REEP4: variants seen among roughly 807,000 people sequenced by gnomAD.
REEP4 encodes receptor accessory protein 4, also known as receptor expression-enhancing protein 4.
In REEP4, 17 loss-of-function variants were observed where a neutral mutation model predicts 33.5. The ratio of observed to expected loss-of-function variants is 0.51; its 90% CI spans 0.35 to 0.76. The LOEUF (loss-of-function observed/expected upper bound fraction) is 0.76. REEP4 is among the 30% of genes least tolerant of loss of function. The pLI, the probability that REEP4 is intolerant of heterozygous loss-of-function variation, is 0.01. For synonymous variants in REEP4, 157 were observed against 142.9 expected, an observed-to-expected ratio of 1.10 and a Z score of -0.70; for missense variants, 340 against 357.9, an observed-to-expected ratio of 0.95 and a Z score of 0.40.
chr8:22,140,298 C>T (rs372084444), intron 2 of REEP4, 50 bp from the exon 3 acceptor site: 351 of 1,574,396 alleles, frequency 2.2e-4, no homozygotes, highest in Non-Finnish European at 3.0e-4. Flanking sequence ...GCACCAACTC[C>T]CAACCCAGGC....
In REEP4 at chr8:22,138,574, C is replaced by T. The variant is rs775941681; in HGVS notation, c.709-22G>A. 1.9e-6 allele frequency: 3 copies of T among 1,613,948 alleles called. No individual in the cohort carries two copies. The South Asian group carries it at 3.3e-5, about 18-fold the overall frequency. On this transcript the variant is annotated intron_variant, in intron 7 of 7. Transcript: ENST00000306306. ...TGCCCTGGGGAAAGGGGAGGCACAG[C>T]ATGAGGGTGTGGGGAGCACCAGCCA...
At chr8:22,139,128 G>A in intron 5 of REEP4, 67 bp from the exon 6 acceptor site, 1 of 1,540,222 alleles carries the variant, frequency 6.5e-7, no homozygotes, top group Non-Finnish European at 8.8e-7. Flanking sequence ...CTAATCACCG[G>A]AGCTGAGACG....
Position 22,141,647 on chromosome 8 carries a change from C to G in REEP4, c.-165G>C, listed in dbSNP as rs1259142682. ...CCGCCGCCCACGGCCTCCGACTGTG[C>G]AGTTCAGGGGACCTGGAGAATGGGG... On this transcript the variant is annotated 5_prime_UTR_variant, in exon 1 of 8. Transcript: ENST00000306306. 6.2e-6 allele frequency: 4 copies of G among 640,936 alleles called. No individual in the cohort carries two copies. The African/African-American group carries it at 7.7e-5, about 12-fold the overall frequency. The allele number at this position is 640,936 out of a possible 1,614,324, so 39.7% of individuals were successfully genotyped here.
At chr8:22,139,350 C>A (rs772783346) in intron 5 of REEP4, 66 bp downstream of exon 5, 6 of 1,358,434 alleles carry the variant, frequency 4.4e-6, no homozygotes, top group Middle Eastern at 1.8e-4. Flanking sequence ...GGCAGAGGAG[C>A]TGAATGAGCC....
At chr8:22,139,919 C>T in intron 4 of REEP4, 44 bp downstream of exon 4, 3 of 1,553,158 alleles carry the variant, frequency 1.9e-6, no homozygotes, top group Non-Finnish European at 2.6e-6. Context: ...CTCTTTCCCT[C>T]ATACCCACCC....
At position 22,140,702 on chromosome 8, in the gene REEP4, A is replaced by G; in HGVS notation, c.33-5T>C. The G allele has an allele frequency of 6.2e-7, 1 of 1,611,608 alleles. No homozygotes were observed. Among genetic ancestry groups the G allele is most frequent in the Admixed American group, 1.7e-5 (1 of 59,698 alleles). ...CACAGCATCCCAAACACCAGCCTGG[A>G]AGAGCAGCCATGGGGAGTGTGAGGG... is the stretch of plus-strand genomic sequence containing the variant. On this transcript the variant is annotated splice_polypyrimidine_tract_variant and splice_region_variant and intron_variant, in intron 1 of 7. Coordinates refer to ENST00000306306, the MANE Select transcript of REEP4 (RefSeq NM_025232.4).
In REEP4 at chr8:22,141,712, C is replaced by A; in HGVS notation, c.-230G>T. 2.4e-6 allele frequency: 1 copy of A among 420,394 alleles called. No individual in the cohort carries two copies. The highest frequency in any genetic ancestry group is 4.2e-6 in the Non-Finnish European group (1 of 238,778). 26.0% of individuals were successfully genotyped at this position (420,394 alleles called of 1,614,324 possible). Reference sequence around the variant, plus strand: ...GCGGCCCCGGCGGGGAGGAAGCCGACTTGGGAGCGGGCGCGCCCCGCGGCC... The same window carrying A: ...GCGGCCCCGGCGGGGAGGAAGCCGAATTGGGAGCGGGCGCGCCCCGCGGCC... On this transcript the variant is annotated 5_prime_UTR_variant, in exon 1 of 8. Transcript: ENST00000306306.
intron 1 of REEP4, 36 bp from the exon 2 acceptor site, chr8:22,140,733 A>G: frequency 6.4e-7 from 1 of 1,563,406 alleles, no homozygotes; most frequent in Non-Finnish European, 8.7e-7. Context: ...GAGGGGCACC[A>G]TGCCCCACTC....
At position 22,138,453 on chromosome 8, in the gene REEP4, G is replaced by T. The variant is rs375689261; in HGVS notation, c.*34C>A. On this transcript the variant is annotated 3_prime_UTR_variant, in exon 8 of 8. Transcript: ENST00000306306. The stretch of plus-strand genomic sequence containing the variant: ...CCAAATAGCCCTGGAGCCCTGCAGG[G>T]CACGAGGTAAGAAGGGGGCAGATGC... 1 of 1,610,572 alleles carries T rather than the reference G, an allele frequency of 6.2e-7. No individual in the cohort carries two copies. Among genetic ancestry groups the T allele is most frequent in the East Asian group, 2.2e-5 (1 of 44,880 alleles).
Position 22,139,383 on chromosome 8 carries a change from G to A in REEP4, c.417+33C>T, listed in dbSNP as rs141845181. On this transcript the variant is annotated intron_variant, in intron 5 of 7. Transcript: ENST00000306306. ...GCCCAAAGGGCCTTAGGGGTGGGATGGGGGCTGCTGGAGGGCTGGGGGCCC... is the reference window on the plus strand; with the variant it reads ...GCCCAAAGGGCCTTAGGGGTGGGATAGGGGCTGCTGGAGGGCTGGGGGCCC... The A allele has an allele frequency of 8.4e-4, 1,296 of 1,543,498 alleles. 6 individuals are homozygous for A. The African/African-American group carries it at 0.015, about 18-fold the overall frequency.
At position 22,140,845 on chromosome 8, in the gene REEP4, C is replaced by T. The variant is rs890242045; in HGVS notation, c.33-148G>A. On this transcript the variant is annotated intron_variant, in intron 1 of 7. Transcript: ENST00000306306. The stretch of plus-strand genomic sequence containing the variant: ...GTACAACCCGTGCCTGAGTCAGAGC[C>T]CTGGAGGCCACCTCCCCACCCTGCT... 8.6e-6 allele frequency: 6 copies of T among 696,922 alleles called. No individual in the cohort carries two copies. In the Admixed American group the frequency reaches 1.5e-4, roughly 17 times the overall value. The allele number at this position is 696,922 out of a possible 1,614,324, so 43.2% of individuals were successfully genotyped here.
Position 22,139,068 on chromosome 8 carries a change from G to T in REEP4, c.418-7C>A. On this transcript the variant is annotated splice_region_variant and splice_polypyrimidine_tract_variant and intron_variant, in intron 5 of 7. Coordinates refer to ENST00000306306, the MANE Select transcript of REEP4 (RefSeq NM_025232.4). ...CGGCCAGCGCCCCCTGACTCTGCGA[G>T]GGGGAAGAGGCTTCAGCGGGGAGGC... 2 of 1,564,000 alleles carry T rather than the reference G, an allele frequency of 1.3e-6. No homozygotes were observed. Among genetic ancestry groups the T allele is most frequent in the Non-Finnish European group, 1.7e-6 (2 of 1,156,240 alleles).
In REEP4 at chr8:22,141,457, A is replaced by T; in HGVS notation, c.26T>A (p.Leu9Gln). 1 of 1,601,594 alleles carries T rather than the reference A, an allele frequency of 6.2e-7. No individual in the cohort carries two copies. The highest frequency in any genetic ancestry group is 8.5e-7 in the Non-Finnish European group (1 of 1,174,718). The change falls in exon 1 of 8, where the codon CTG becomes CAG. Residue 9 changes from leucine (L) to glutamine (Q), a missense_variant. Physicochemically the swap from Leu to Gln is moderately radical, Grantham distance 113. Transcript: ENST00000306306. ...TGAGGGCGGCCATACTCACACCACC[A>T]GGCGACAGATCATCCAGGACACCAT... MVSWMICR[L>Q]VVLVFGMLCP...
At chr8:22,139,710 C>T (rs1827195806) in intron 4 of REEP4, 181 bp from the exon 5 acceptor site, 1 of 669,400 alleles carries the variant, frequency 1.5e-6, no homozygotes, top group Admixed American at 2.9e-5. Context: ...GCTCACACCT[C>T]CATGAGTGGC....
At chr8:22,140,755 A>G in intron 1 of REEP4, 58 bp from the exon 2 acceptor site, 1 of 1,474,720 alleles carries the variant, frequency 6.8e-7, no homozygotes, top group Non-Finnish European at 9.3e-7. Context: ...CACCTTGCCA[A>G]GTGGCCATTT....
In REEP4 at chr8:22,139,089, G is replaced by A. The variant is rs952080826; in HGVS notation, c.418-28C>T. ...GCGAGGGGGAAGAGGCTTCAGCGGG[G>A]AGGCTGCCCAGGGATATTGGCCAAC... On this transcript the variant is annotated intron_variant, in intron 5 of 7. Coordinates refer to ENST00000306306, the MANE Select transcript of REEP4 (RefSeq NM_025232.4). The A allele has an allele frequency of 4.5e-6, 7 of 1,560,842 alleles. No homozygotes were observed. The Admixed American group carries it at 5.6e-5, about 13-fold the overall frequency.
chr8:22,140,268 A>C lies in REEP4; in HGVS notation c.106-20T>G. The C allele has an allele frequency of 6.2e-7, 1 of 1,613,480 alleles. No homozygotes were observed. The highest frequency in any genetic ancestry group is 8.5e-7 in the Non-Finnish European group (1 of 1,179,538). ...CCGCACCTGTGGGGTGAGCGCCCAG[A>C]GGTCAGCATGGGGCCTGCAGCACCA... On this transcript the variant is annotated intron_variant, in intron 2 of 7. Coordinates refer to ENST00000306306, the MANE Select transcript of REEP4 (RefSeq NM_025232.4).
At position 22,139,834 on chromosome 8, in the gene REEP4, G is replaced by T. The variant is rs1013232885; in HGVS notation, c.303+129C>A. 5 of 1,159,384 alleles carry T rather than the reference G, an allele frequency of 4.3e-6. No homozygotes were observed. The Admixed American group carries it at 1.2e-4, about 28-fold the overall frequency. The allele number at this position is 1,159,384 out of a possible 1,614,324, so 71.8% of individuals were successfully genotyped here. On this transcript the variant is annotated intron_variant, in intron 4 of 7. Coordinates refer to ENST00000306306, the MANE Select transcript of REEP4 (RefSeq NM_025232.4). ...GATGAGGTAGGCTGGGCCCTGTCAA[G>T]GTCCTGCCCCTCAATAGCAGCAGGA... is the stretch of plus-strand genomic sequence containing the variant.
chr8:22,140,382 GCT>G, intron 2 of REEP4, 134 bp from the exon 3 acceptor site: 4 of 970,392 alleles, frequency 4.1e-6, no homozygotes, highest in Non-Finnish European at 4.9e-6. Flanking sequence ...CTGGACAGGA[GCT>G]CTGAGAAACT....
Sources: allele counts gnomAD v4.1 joint callset, GRCh38; gene constraint gnomAD v4.1.1; transcripts MANE v1.5; gene names NCBI Gene and HGNC (gene_info 2026-07-23, HGNC 2026-07-21).